The following NSMF variants were observed in gnomAD, a reference collection of about 807,000 sequenced individuals.
The protein encoded by NSMF is nasal embryonic LHRH factor.
NSMF carries 31 observed loss-of-function variants against 71.0 expected under a neutral mutation model. The observed-to-expected ratio is 0.44, with a 90% CI of 0.33 to 0.59. NSMF has a LOEUF of 0.59. Among genes scored for constraint, NSMF ranks in the 20% least tolerant of loss-of-function variants. The pLI, the probability that NSMF is intolerant of heterozygous loss-of-function variation, is 0.04. For missense variants in NSMF, 673 were observed against 740.5 expected, an observed-to-expected ratio of 0.91 and a Z score of 1.06; for synonymous variants, 345 against 287.1, an observed-to-expected ratio of 1.20 and a Z score of -2.04.
In NSMF at chr9:137,453,418, C is replaced by G; in HGVS notation, c.923-238G>C. 1.6e-6 allele frequency: 1 copy of G among 621,058 alleles called. No homozygotes were observed. Among genetic ancestry groups the G allele is most frequent in the Non-Finnish European group, 2.8e-6 (1 of 357,980 alleles). 38.5% of individuals were successfully genotyped at this position (621,058 alleles called of 1,614,324 possible). On this transcript the variant is annotated intron_variant, in intron 8 of 15. Coordinates refer to ENST00000371475, the MANE Select transcript of NSMF (RefSeq NM_001130969.3). This position sits in a 1 kb window ranked among gnomAD's most constrained non-coding sequence, Gnocchi z 4.5. Reference sequence around the variant, plus strand: ...GCCGGTGGAAGGCGCGTGCAGGCATCAGCTCCAGCCAAGTCCGCCGGGCGC... The same window carrying G: ...GCCGGTGGAAGGCGCGTGCAGGCATGAGCTCCAGCCAAGTCCGCCGGGCGC...
rs1300529255 is a variant in NSMF at position 137,449,313 on chromosome 9, C to T, written c.*81G>A. On this transcript the variant is annotated 3_prime_UTR_variant, in exon 16 of 16. Coordinates refer to ENST00000371475, the MANE Select transcript of NSMF (RefSeq NM_001130969.3). ...AGGCGAGACCGGAGCCACACAGTCC[C>T]GGGGAGCACGAGGCGGCCCAGCCCC... is the stretch of plus-strand genomic sequence containing the variant. 3.1e-5 allele frequency: 38 copies of T among 1,206,540 alleles called. No homozygotes were observed. The highest frequency in any genetic ancestry group is 5.0e-5 in the South Asian group (4 of 80,354). 74.7% of individuals were successfully genotyped at this position (1,206,540 alleles called of 1,614,324 possible).
At chr9:137,449,855 G>A (rs1444402113) in intron 14 of NSMF, 68 bp downstream of exon 14, 5 of 1,418,074 alleles carry the variant, frequency 3.5e-6, no homozygotes, top group Non-Finnish European at 5.0e-6. Context: ...AAACATGGAA[G>A]GCTCTGCCCT....
Position 137,453,931 on chromosome 9 carries a change from G to A in NSMF, c.833-111C>T. 2.2e-6 allele frequency: 2 copies of A among 905,978 alleles called. No homozygotes were observed. Among genetic ancestry groups the A allele is most frequent in the South Asian group, 1.5e-5 (1 of 68,550 alleles). 56.1% of individuals were successfully genotyped at this position (905,978 alleles called of 1,614,324 possible). On this transcript the variant is annotated intron_variant, in intron 7 of 15. Coordinates refer to ENST00000371475, the MANE Select transcript of NSMF (RefSeq NM_001130969.3). This position sits in a 1 kb window ranked among gnomAD's most constrained non-coding sequence, Gnocchi z 4.5. ...CTGGGCAGAGGAGGAAGCTAATGTG[G>A]GTGGGGTCTAAGGCACATGAAGCAG...
Position 137,449,615 on chromosome 9 carries a change from C to T in NSMF, c.1479G>A (p.Leu493=). The change falls in exon 15 of 16, where the codon CTG becomes CTA. Residue 493 remains leucine, a synonymous_variant. Transcript: ENST00000371475. The stretch of plus-strand genomic sequence containing the variant: ...GTAACTCACCTTGGGCTGAGAGCTC[C>T]AGGGGTGACTCGAAGGTGACCCTAT... ...TPYRVTFESP[L]ELSAQGKQMI... The T allele has an allele frequency of 1.9e-6, 3 of 1,612,608 alleles. 1 individual carries two copies. Among genetic ancestry groups the T allele is most frequent in the Middle Eastern group, 3.3e-4 (2 of 6,054 alleles).
Position 137,449,558 on chromosome 9 carries a change from C to T in NSMF, c.1495+41G>A, listed in dbSNP as rs41297241. ...TGGGGATCCCACCCCACCGTGGCCC[C>T]GCAGTGGCTGCAGAGCTTCGGCCCA... On this transcript the variant is annotated intron_variant, in intron 15 of 15. Transcript: ENST00000371475. 62,711 of 1,610,752 alleles carry T rather than the reference C, an allele frequency of 0.039. 3,236 individuals carry two copies. Among genetic ancestry groups the T allele is most frequent in the African/African-American group, 0.22 (16,487 of 74,932 alleles).
Position 137,450,314 on chromosome 9 carries a change from GCACCCA to G in NSMF, c.1237-65_1237-60del. ...CTTCCTCCCCCTCTCCGACACACAT[GCACCCA>G]CGCACATGCGTGGGAGGTAGTTTTG... is the stretch of plus-strand genomic sequence containing the variant. On this transcript the variant is annotated intron_variant, in intron 12 of 15. Transcript: ENST00000371475. The G allele has an allele frequency of 2.2e-6, 3 of 1,380,558 alleles. No homozygotes were observed. The South Asian group carries it at 3.5e-5, about 16-fold the overall frequency. 85.5% of individuals were successfully genotyped at this position (1,380,558 alleles called of 1,614,324 possible). A position where few individuals can be genotyped will look rare whatever the true frequency, so the allele number is the denominator to read the frequency against.
Position 137,455,289 on chromosome 9 carries a change from C to T in NSMF, c.729G>A (p.Ala243=), listed in dbSNP as rs559853279. ...MQAISVFRGY[A]ERKRRKREND... ...TCTCCCGTTTCCGGCGCTTCCTCTC[C>T]GCGTAGCCCCTGAACACCCTGGGAA... The change falls in exon 6 of 16, where the codon GCG becomes GCA. Residue 243 remains alanine, a synonymous_variant. Transcript: ENST00000371475. The T allele has an allele frequency of 2.6e-5, 42 of 1,612,786 alleles. No individual in the cohort carries two copies. The South Asian group carries it at 3.7e-4, about 14-fold the overall frequency.
intron 13 of NSMF, 48 bp downstream of exon 13, chr9:137,450,127 TG>T: frequency 6.3e-7 from 1 of 1,591,598 alleles, no homozygotes; most frequent in Non-Finnish European, 8.6e-7. Context: ...TGCCAGGGCC[TG>T]GACTCTGCCT....
Position 137,458,511 on chromosome 9 carries a change from T to C in NSMF, c.110A>G (p.His37Arg). The change falls in exon 2 of 16, where the codon CAC (histidine) becomes CGC (arginine). Residue 37 changes from histidine to arginine, a missense_variant. Physicochemically the swap from His to Arg is conservative, Grantham distance 29 (BLOSUM62 0). This residue lies in a region of NSMF where 471 missense variants were observed against 459.6 expected (regional missense o/e 1.02). Transcript: ENST00000371475. The stretch of plus-strand genomic sequence containing the variant: ...ACCTGCGCCGTTGCGGTTCTCAGGG[T>C]GACTCTGGGACAGGTACTCTCCAAA... ...RAFGEYLSQS[H>R]PENRNGADHL... is the part of the protein sequence containing the mutation. The C allele has an allele frequency of 6.3e-7, 1 of 1,597,102 alleles. No individual in the cohort carries two copies. Among genetic ancestry groups the C allele is most frequent in the Non-Finnish European group, 8.5e-7 (1 of 1,173,856 alleles).
At position 137,452,454 on chromosome 9, in the gene NSMF, G is replaced by C; in HGVS notation, c.1166-19C>G. On this transcript the variant is annotated intron_variant, in intron 11 of 15. Transcript: ENST00000371475. The stretch of plus-strand genomic sequence containing the variant: ...ATCTCCTCTGTGGGAGAGCGGGTGT[G>C]AGTGCTGCGGCCCCCACCCCAGCCC... The C allele has an allele frequency of 6.2e-7, 1 of 1,612,192 alleles. No homozygotes were observed. Among genetic ancestry groups the C allele is most frequent in the Non-Finnish European group, 8.5e-7 (1 of 1,179,690 alleles).
Position 137,452,466 on chromosome 9 carries a change from C to T in NSMF, c.1166-31G>A, listed in dbSNP as rs555288011. ...GGAGAGCGGGTGTGAGTGCTGCGGCCCCCACCCCAGCCCCAGGGGCACCCC... is the reference window on the plus strand; with the variant it reads ...GGAGAGCGGGTGTGAGTGCTGCGGCTCCCACCCCAGCCCCAGGGGCACCCC... On this transcript the variant is annotated intron_variant, in intron 11 of 15. Coordinates refer to ENST00000371475, the MANE Select transcript of NSMF (RefSeq NM_001130969.3). 6 of 1,611,228 alleles carry T rather than the reference C, an allele frequency of 3.7e-6. No homozygotes were observed. The African/African-American group carries it at 8.0e-5, about 22-fold the overall frequency.
rs1203168805 is a variant in NSMF, at chr9:137,450,050, A to G, written c.1317-25T>C. 3.1e-6 allele frequency: 5 copies of G among 1,605,076 alleles called. No individual in the cohort carries two copies. In the Admixed American group the frequency reaches 6.7e-5, roughly 21 times the overall value. On this transcript the variant is annotated intron_variant, in intron 13 of 15. Coordinates refer to ENST00000371475, the MANE Select transcript of NSMF (RefSeq NM_001130969.3). Reference sequence around the variant, plus strand: ...GCTGGTGGAGAGGGGTGGGTCACCCAGTGGCAGGGGACAGGCACCCCACTC... The same window carrying G: ...GCTGGTGGAGAGGGGTGGGTCACCCGGTGGCAGGGGACAGGCACCCCACTC...
chr9:137,455,782 G>A, intron 4 of NSMF, 148 bp from the exon 5 acceptor site: 1 of 857,922 alleles, frequency 1.2e-6, no homozygotes, highest in Admixed American at 2.1e-5. Context: ...CCACCAGCAG[G>A]ATGCTGGCTA....
chr9:137,452,902 TG>T, intron 9 of NSMF, 83 bp from the exon 10 acceptor site: 1 of 1,549,296 alleles, frequency 6.5e-7, no homozygotes, highest in Non-Finnish European at 8.8e-7. Flanking sequence ...GGCTACCTTC[TG>T]GCTGCCAGGC....
intron 1 of NSMF, 72 bp downstream of exon 1, chr9:137,458,960 G>C (rs1273062634): frequency 1.7e-6 from 2 of 1,162,860 alleles, no homozygotes; most frequent in African/African-American, 1.6e-5. Flanking sequence ...GGAGCACCGC[G>C]GGGCAGGGGC....
In NSMF at chr9:137,456,478, G is replaced by C; in HGVS notation, c.637C>G (p.Pro213Ala). 1.9e-6 allele frequency: 3 copies of C among 1,611,622 alleles called. No individual in the cohort carries two copies. The highest frequency in any genetic ancestry group is 2.5e-6 in the Non-Finnish European group (3 of 1,178,208). Residue 213 changes from proline (P) to alanine (A), a missense_variant, in exon 4 of 16, where the codon CCT becomes GCT. Pro to Ala is a conservative substitution (Grantham distance 27). Transcript: ENST00000371475. ...TCCTTGGGGAACCAGGTACGAATAG[G>C]GATGTCGTCTAAGAGAGACAAAAAG... ...YSVDRVSDDIPIRTWFPKENL... is the reference protein window; with the variant it reads ...YSVDRVSDDIAIRTWFPKENL...
chr9:137,458,331 CGGGCAGGGA>C (rs1191920869), intron 2 of NSMF, among the ~76,000 whole-genome samples, 148 bp downstream of exon 2: 1 of 152,100 alleles, frequency 6.6e-6, no homozygotes, highest in African/African-American at 2.4e-5. Context: ...TCCTGGGGCT[CGGGCAGGGA>C]GGGCAGGGGA....
chr9:137,453,610 T>G lies in NSMF; in HGVS notation c.922+121A>C, dbSNP rs1830662631. The G allele has an allele frequency of 2.7e-6, 2 of 739,296 alleles. No homozygotes were observed. The highest frequency in any genetic ancestry group is 3.7e-5 in the South Asian group (2 of 54,384). The allele number at this position is 739,296 out of a possible 1,614,324, so 45.8% of individuals were successfully genotyped here. On this transcript the variant is annotated intron_variant, in intron 8 of 15. Transcript: ENST00000371475. This position sits in a 1 kb window ranked among gnomAD's most constrained non-coding sequence, Gnocchi z 4.5. Reference sequence around the variant, plus strand: ...AGGGCGTCCCCATCTCACAAACAGGTAAACCAAGATTCAGGAGTGCAAAAG... The same window carrying G: ...AGGGCGTCCCCATCTCACAAACAGGGAAACCAAGATTCAGGAGTGCAAAAG...
chr9:137,450,080 G>A (rs761009206), intron 13 of NSMF, 55 bp from the exon 14 acceptor site: 1 of 1,590,548 alleles, frequency 6.3e-7, no homozygotes, highest in Admixed American at 1.7e-5. Flanking sequence ...CCACTCCACA[G>A]AGCGGACCGT....
Sources: allele counts gnomAD v4.1 joint callset (sites outside exome capture counted in the v4.1 genomes callset), GRCh38; gene constraint gnomAD v4.1.1; regional missense constraint gnomAD v4.1.1; non-coding constraint Gnocchi (gnomAD v3.1); transcripts MANE v1.5; gene names NCBI Gene and HGNC (gene_info 2026-07-23, HGNC 2026-07-21).